Variants in RHOXF1 observed in about 807,000 individuals in gnomAD.
The protein encoded by RHOXF1 is PEPP subfamily gene 1.
RHOXF1 carries 1 observed loss-of-function variant against 9.7 expected under a neutral mutation model. The ratio of observed to expected loss-of-function variants is 0.10; its 90% confidence interval spans 0.04 to 0.49. The LOEUF (loss-of-function observed/expected upper bound fraction) is 0.49. RHOXF1 is among the 20% of genes least tolerant of loss of function. The pLI is 0.95. For missense variants in RHOXF1, 179 were observed against 168.0 expected, an observed-to-expected ratio of 1.07 and a Z score of -0.36; for synonymous variants, 72 against 70.2, an observed-to-expected ratio of 1.03 and a Z score of -0.13.
upstream of RHOXF1, chrX:120,116,445 A>G (rs1226283133): frequency 7.3e-5 from 8 of 110,010 alleles, no homozygotes; most frequent in African/African-American, 2.3e-4. Flanking sequence ...TTTGCTGACT[A>G]CACCCTACTC....
At position 120,109,283 on chromosome X, in the gene RHOXF1, CT is replaced by C; in HGVS notation, c.463del (p.Arg155GlyfsTer11). ...DKVRVWFKNK[R>X]ARCRRHQREL... is the part of the protein sequence containing the mutation. Reference sequence around the variant, plus strand: ...TCTCTGATGTCGCCTACATCTGGCCCTTTTATTCTTAAACCAAACCTACAAT... The same window carrying C: ...TCTCTGATGTCGCCTACATCTGGCCCTTTATTCTTAAACCAAACCTACAAT... On this transcript the variant is annotated frameshift_variant, in exon 3 of 3. Coordinates refer to ENST00000217999, the MANE Select transcript of RHOXF1 (RefSeq NM_139282.3). LOFTEE classifies it low-confidence loss of function (END_TRUNC). 1 of 1,178,937 alleles carries C rather than the reference CT, an allele frequency of 8.5e-7. No individual in the cohort carries two copies. Among genetic ancestry groups the C allele is most frequent in the Non-Finnish European group, 1.2e-6 (1 of 869,450 alleles).
rs1556000383 is a variant in RHOXF1 at position 120,115,503 on chromosome X, A to G, written c.360T>C (p.Ser120=). ...FTLLQVEELE[S]VFRHTQYPDV... is the part of the protein sequence containing the mutation. ...CAGGGTATTGAGTGTGTCGGAAAAC[A>G]CTTTCCAGCTCCTCCACCTGCAACA... Residue 120 remains serine, a synonymous_variant, in exon 1 of 3, where the codon AGT becomes AGC. Transcript: ENST00000217999. The G allele has an allele frequency of 8.8e-7, 1 of 1,130,764 alleles. No individual in the cohort carries two copies. Among genetic ancestry groups the G allele is most frequent in the East Asian group, 3.1e-5 (1 of 32,323 alleles). The allele number at this position is 1,130,764 out of a possible 1,213,427, so 93.2% of individuals were successfully genotyped here.
intron 1 of RHOXF1, among the ~76,000 whole-genome samples, chrX:120,114,551 G>A (rs1377151987): frequency 9.1e-6 from 1 of 110,440 alleles, no homozygotes; most frequent in African/African-American, 3.3e-5. Flanking sequence ...AATATCCAGA[G>A]TGTATAAAGA....
At chrX:120,119,004 G>T (rs1002336556), upstream of RHOXF1, among the ~76,000 whole-genome samples, 2 of 111,719 alleles carry the variant, frequency 1.8e-5, no homozygotes, top group Non-Finnish European at 3.8e-5. Context: ...CTTATTGATG[G>T]AAGCACATAT....
chrX:120,113,423 G>A (rs1279956122), intron 1 of RHOXF1, among the ~76,000 whole-genome samples: 1 of 109,680 alleles, frequency 9.1e-6, no homozygotes, highest in African/African-American at 3.3e-5. Context: ...CACCGCACCC[G>A]GCCAAGATGA....
At chrX:120,110,216 A>T (rs1480546785) in intron 2 of RHOXF1, among the ~76,000 whole-genome samples, 2 of 112,032 alleles carry the variant, frequency 1.8e-5, no homozygotes, top group Non-Finnish European at 3.8e-5. Flanking sequence ...TCCTTCCAGG[A>T]TGTCTAAGGG....
At chrX:120,120,276 C>A (rs61343277), upstream of RHOXF1, among the ~76,000 whole-genome samples, 11,191 of 111,396 alleles carry the variant, frequency 0.1, 437 homozygotes, top group Middle Eastern at 0.21. Flanking sequence ...GGAAACTTGC[C>A]CAGGCCCATA....
In RHOXF1 at chrX:120,109,164, G is replaced by A. The variant is rs184584525; in HGVS notation, c.*28C>T. On this transcript the variant is annotated 3_prime_UTR_variant, in exon 3 of 3. Transcript: ENST00000217999. ...ACCAGAAAAACCCATCTCCAAACTA[G>A]CTCCTGAAGAAGGATGGCATTCTAG... is the stretch of plus-strand genomic sequence containing the variant. The A allele has an allele frequency of 3.7e-4, 384 of 1,031,778 alleles. No homozygotes were observed. Among genetic ancestry groups the A allele is most frequent in the Non-Finnish European group, 4.9e-4 (364 of 744,054 alleles). 85.0% of individuals were successfully genotyped at this position (1,031,778 alleles called of 1,213,427 possible).
chrX:120,109,976 A>G (rs1356103630), intron 2 of RHOXF1, among the ~76,000 whole-genome samples: 1 of 111,754 alleles, frequency 8.9e-6, no homozygotes, highest in Non-Finnish European at 1.9e-5. Flanking sequence ...TGTTAATTCA[A>G]TGCCTGGCAA....
Position 120,115,512 on chromosome X carries a change from C to G in RHOXF1, c.351G>C (p.Glu117Asp). ...RTKFTLLQVE[E>D]LESVFRHTQY... ...GAGTGTGTCGGAAAACACTTTCCAG[C>G]TCCTCCACCTGCAACAGCGTGAACT... Residue 117 changes from glutamate (E) to aspartate (D), a missense_variant, in exon 1 of 3, where the codon GAG (glutamate) becomes GAC (aspartate). Transcript: ENST00000217999. The G allele has an allele frequency of 8.8e-7, 1 of 1,133,703 alleles. No individual in the cohort carries two copies. Among genetic ancestry groups the G allele is most frequent in the Non-Finnish European group, 1.2e-6 (1 of 858,583 alleles). 93.4% of individuals were successfully genotyped at this position (1,133,703 alleles called of 1,213,427 possible).
chrX:120,115,424 C>G lies in RHOXF1; in HGVS notation c.398+41G>C, dbSNP rs782312588. 5 of 1,046,836 alleles carry G rather than the reference C, an allele frequency of 4.8e-6. No individual in the cohort carries two copies. The African/African-American group carries it at 7.7e-5, about 16-fold the overall frequency. The allele number at this position is 1,046,836 out of a possible 1,213,427, so 86.3% of individuals were successfully genotyped here. A position where few individuals can be genotyped will look rare whatever the true frequency, so the allele number is the denominator to read the frequency against. ...AGGGAGAGAAAAAGATGCCTCGAAACGAACTTGGAGATCTCGTGGCTCCTG... is the reference window on the plus strand; with the variant it reads ...AGGGAGAGAAAAAGATGCCTCGAAAGGAACTTGGAGATCTCGTGGCTCCTG... On this transcript the variant is annotated intron_variant, in intron 1 of 2. Coordinates refer to ENST00000217999, the MANE Select transcript of RHOXF1 (RefSeq NM_139282.3).
Position 120,109,564 on chromosome X carries a change from T to TTTA in RHOXF1, c.445-265_445-263dup, listed in dbSNP as rs1224291495. ...CTCTCTTCTCCATTTTATTTATTTA[T>TTTA]TTATTTATTATTTATTTATTTATTT... On this transcript the variant is annotated intron_variant, in intron 2 of 2. Coordinates refer to ENST00000217999, the MANE Select transcript of RHOXF1 (RefSeq NM_139282.3). Among the ~76,000 whole-genome samples, 653 of 108,482 alleles carry TTTA rather than the reference T, an allele frequency of 6.0e-3. 6 individuals carry two copies. Among genetic ancestry groups the TTTA allele is most frequent in the African/African-American group, 0.021 (627 of 29,337 alleles). The allele number at this position is 108,482 out of a possible 115,157, so 94.2% of individuals were successfully genotyped here.
intron 2 of RHOXF1, among the ~76,000 whole-genome samples, chrX:120,111,417 C>A (rs868932061): frequency 8.9e-6 from 1 of 111,810 alleles, no homozygotes; most frequent in Non-Finnish European, 1.9e-5. Context: ...TCCCTCACTA[C>A]ACTCACACAT....
upstream of RHOXF1, among the ~76,000 whole-genome samples, chrX:120,119,931 A>G (rs1453931474): frequency 7.2e-5 from 8 of 111,642 alleles, no homozygotes; most frequent in Non-Finnish European, 1.3e-4. Context: ...AACTAAGCCC[A>G]ATGACACCCT....
chrX:120,111,151 T>C (rs1385617885), intron 2 of RHOXF1, among the ~76,000 whole-genome samples: 3 of 112,285 alleles, frequency 2.7e-5, no homozygotes, highest in African/African-American at 6.5e-5. Context: ...GTGGCTCATA[T>C]TCTTTTCAGA....
chrX:120,114,305 C>A (rs1481907711), intron 1 of RHOXF1, among the ~76,000 whole-genome samples: 1 of 110,677 alleles, frequency 9.0e-6, no homozygotes, highest in African/African-American at 3.3e-5. Flanking sequence ...TCCTATAATC[C>A]CAGCAACTCA....
In RHOXF1 at chrX:120,115,669, C is replaced by T. The variant is rs868960412; in HGVS notation, c.194G>A (p.Gly65Asp). 8.3e-7 allele frequency: 1 copy of T among 1,198,472 alleles called. No individual in the cohort carries two copies. The highest frequency in any genetic ancestry group is 1.1e-6 in the Non-Finnish European group (1 of 888,584). The stretch of plus-strand genomic sequence containing the variant: ...TCCACCGCCGCCCTCGGGGATCATG[C>T]CGCCATCGCGGTTCATGCCGTTCTC... ...NHENGMNRDG[G>D]MIPEGGGGNQ... The change falls in exon 1 of 3, where the codon GGC becomes GAC. Residue 65 changes from glycine to aspartate, a missense_variant. By Grantham distance (94) the Gly-to-Asp change is moderately conservative. Coordinates refer to ENST00000217999, the MANE Select transcript of RHOXF1 (RefSeq NM_139282.3).
Position 120,112,854 on chromosome X carries a change from T to G in RHOXF1, c.444+15A>C. On this transcript the variant is annotated intron_variant, in intron 2 of 2. Transcript: ENST00000217999. ...AATGGCTGTCCTCTCAAATTGCTTT[T>G]TCAAGTGTACTGACCCGCACTTTGT... The G allele has an allele frequency of 8.5e-7, 1 of 1,176,618 alleles. No individual in the cohort carries two copies. Among genetic ancestry groups the G allele is most frequent in the Non-Finnish European group, 1.2e-6 (1 of 868,301 alleles).
At chrX:120,118,349 G>C (rs782092379), upstream of RHOXF1, among the ~76,000 whole-genome samples, 5 of 111,548 alleles carry the variant, frequency 4.5e-5, no homozygotes, top group Non-Finnish European at 7.5e-5. Flanking sequence ...TTTAAGGTTC[G>C]GTCTCTGTAA....
Sources: gnomAD v4.1 joint callset for allele counts (sites outside exome capture counted in the v4.1 genomes callset) on GRCh38, gnomAD v4.1.1 for gene constraint, MANE v1.5 for transcripts, NCBI Gene and HGNC (gene_info 2026-07-23, HGNC 2026-07-21) for gene names.